The following HACD2 variants were observed in gnomAD, a reference collection of about 807,000 sequenced individuals.
HACD2 encodes very-long-chain (3R)-3-hydroxyacyl-CoA dehydratase 2.
Under a neutral mutation model 31.0 loss-of-function variants are expected in HACD2, and 15 were observed. That is an observed-to-expected ratio of 0.48 (90% CI 0.32 to 0.75). The LOEUF (loss-of-function observed/expected upper bound fraction) is 0.75. Ranked by LOEUF, HACD2 falls within the 30% of genes least tolerant of loss-of-function variation. The pLI, the probability that HACD2 is intolerant of heterozygous loss-of-function variation, is 0.03. For missense variants in HACD2, 283 were observed against 313.0 expected (o/e 0.90, Z 0.72); for synonymous variants, 115 against 122.2 (o/e 0.94, Z 0.39).
chr3:123,567,597 TGA>T, intron 3 of HACD2, among the ~76,000 whole-genome samples, 163 bp downstream of exon 3: 1 of 152,218 alleles, frequency 6.6e-6, no homozygotes, highest in Non-Finnish European at 1.5e-5. Context: ...ATAGTACCTA[TGA>T]TTTCAGAAAC....
In HACD2 at chr3:123,521,733, T is replaced by C. The variant is rs2056217375; in HGVS notation, c.381+6653A>G. Among the ~76,000 whole-genome samples the C allele has an allele frequency of 4.6e-5, 7 of 152,176 alleles. No homozygotes were observed. The South Asian group carries it at 1.5e-3, about 32-fold the overall frequency. ...GAAAAAGATTAACATTAAAGACAAG[T>C]GAAACCAATTTCCTGATTTTGCTGA... is the stretch of plus-strand genomic sequence containing the variant. On this transcript the variant is annotated intron_variant, in intron 4 of 6. Transcript: ENST00000383657.
In HACD2 at chr3:123,493,190, T is replaced by C. The variant is rs111287372; in HGVS notation, c.*1698A>G. 0.035 allele frequency: 5,382 copies of C among 152,164 alleles called. 104 individuals carry two copies. Among genetic ancestry groups the C allele is most frequent in the Middle Eastern group, 0.088 (26 of 294 alleles). The allele number at this position is 152,164 out of a possible 1,614,324, so 9.4% of individuals were successfully genotyped here. A position where few individuals can be genotyped will look rare whatever the true frequency, so the allele number is the denominator to read the frequency against. On this transcript the variant is annotated 3_prime_UTR_variant, in exon 7 of 7. Transcript: ENST00000383657. ...TAACACGGTGAAACCCCGTCTCTAC[T>C]AAAAATACAAAAAAAATTAGCTGGG...
chr3:123,556,081 G>A (rs1011155493), intron 3 of HACD2, among the ~76,000 whole-genome samples: 1 of 152,148 alleles, frequency 6.6e-6, no homozygotes, highest in Non-Finnish European at 1.5e-5. Flanking sequence ...TGAGGCGGGA[G>A]GATCACCTGA....
intron 3 of HACD2, among the ~76,000 whole-genome samples, chr3:123,559,734 A>C (rs2056708198): frequency 6.6e-6 from 1 of 152,192 alleles, no homozygotes; most frequent in Middle Eastern, 3.2e-3. Context: ...CATTCCAAAG[A>C]AAGACTTAGT....
chr3:123,542,146 C>CAAAAAAAAAAAAAAAAAAAAAAAAAAAAA (rs11391480), intron 3 of HACD2, among the ~76,000 whole-genome samples: 1 of 41,104 alleles, frequency 2.4e-5, no homozygotes, highest in African/African-American at 1.7e-4. Flanking sequence ...GACTCCGTCT[C>CAAAAAAAAAAAAAAAAAAAAAAAAAAAAA]AAAAAAAAAA....
chr3:123,553,966 A>C (rs376350885), intron 3 of HACD2, among the ~76,000 whole-genome samples: 2 of 109,278 alleles, frequency 1.8e-5, no homozygotes. Context: ...ATATATTATT[A>C]TTTTATATAA....
At chr3:123,509,326 C>T (rs1047561492) in intron 4 of HACD2, among the ~76,000 whole-genome samples, 10 of 151,838 alleles carry the variant, frequency 6.6e-5, no homozygotes, top group Admixed American at 3.3e-4. Flanking sequence ...TGTGATCGCA[C>T]GACTGCACTC....
chr3:123,561,133 A>G (rs895799286), intron 3 of HACD2, among the ~76,000 whole-genome samples: 3 of 152,128 alleles, frequency 2.0e-5, no homozygotes, highest in African/African-American at 7.2e-5. Flanking sequence ...AGTTAGCTCT[A>G]ATTAGTGGGC....
intron 4 of HACD2, among the ~76,000 whole-genome samples, chr3:123,506,185 A>G (rs2055973852): frequency 6.6e-6 from 1 of 152,240 alleles, no homozygotes; most frequent in Non-Finnish European, 1.5e-5. Context: ...TTCATCCAAA[A>G]GGCCAGAGAG....
chr3:123,583,248 G>C (rs1028017037), intron 1 of HACD2, among the ~76,000 whole-genome samples: 1 of 152,004 alleles, frequency 6.6e-6, no homozygotes, highest in Non-Finnish European at 1.5e-5. Flanking sequence ...TTATCTTCCT[G>C]GTTTAAGATA....
chr3:123,558,194 G>C (rs1030162077), intron 3 of HACD2, among the ~76,000 whole-genome samples: 3 of 152,222 alleles, frequency 2.0e-5, no homozygotes, highest in African/African-American at 7.2e-5. Flanking sequence ...CATACTGTAT[G>C]ACATTCTGGA....
At position 123,494,053 on chromosome 3, in the gene HACD2, T is replaced by C. The variant is rs2055801632; in HGVS notation, c.*835A>G. 6.6e-6 allele frequency: 1 copy of C among 152,262 alleles called. No homozygotes were observed. The highest frequency in any genetic ancestry group is 2.4e-5 in the African/African-American group (1 of 41,470). 9.4% of individuals were successfully genotyped at this position (152,262 alleles called of 1,614,324 possible). On this transcript the variant is annotated 3_prime_UTR_variant, in exon 7 of 7. Coordinates refer to ENST00000383657, the MANE Select transcript of HACD2 (RefSeq NM_198402.5). ...TCAGTGCATCAGTGAGAATAGCTACTGGCAAACACGTTACTCAGAGGTGTT... is the reference window on the plus strand; with the variant it reads ...TCAGTGCATCAGTGAGAATAGCTACCGGCAAACACGTTACTCAGAGGTGTT...
intron 4 of HACD2, among the ~76,000 whole-genome samples, chr3:123,508,835 G>A (rs1188311091): frequency 6.6e-6 from 1 of 152,146 alleles, no homozygotes; most frequent in East Asian, 1.9e-4. Flanking sequence ...TATGGAGGCT[G>A]GAAGTCTGAG....
chr3:123,584,457 A>G (rs1226186335), intron 1 of HACD2: 1 of 164,502 alleles, frequency 6.1e-6, no homozygotes, highest in Admixed American at 6.4e-5. Flanking sequence ...ATGAATGGTC[A>G]CTCTGCAGCC....
chr3:123,564,906 T>C (rs1054164584), intron 3 of HACD2, among the ~76,000 whole-genome samples: 20 of 152,114 alleles, frequency 1.3e-4, no homozygotes, highest in African/African-American at 3.1e-4. Flanking sequence ...CAGAGCTTAA[T>C]GAAACAGAAT....
chr3:123,562,806 C>G (rs1359633941), intron 3 of HACD2, among the ~76,000 whole-genome samples: 1 of 152,146 alleles, frequency 6.6e-6, no homozygotes, highest in African/African-American at 2.4e-5. Flanking sequence ...AAAGGTATCT[C>G]AAGGCTTTAA....
At chr3:123,557,046 T>A (rs1307310337) in intron 3 of HACD2, among the ~76,000 whole-genome samples, 1 of 152,226 alleles carries the variant, frequency 6.6e-6, no homozygotes, top group East Asian at 1.9e-4. Flanking sequence ...AAGATAATAT[T>A]TGACAAAGGA....
intron 4 of HACD2, among the ~76,000 whole-genome samples, chr3:123,516,094 T>A (rs879578903): frequency 1.9e-4 from 29 of 152,168 alleles, no homozygotes; most frequent in Admixed American, 1.9e-3. Flanking sequence ...ATTTTATGTA[T>A]AAAGTGTCCT....
chr3:123,506,715 G>A (rs547704277), intron 4 of HACD2, among the ~76,000 whole-genome samples: 16 of 152,210 alleles, frequency 1.1e-4, no homozygotes, highest in African/African-American at 3.8e-4. Context: ...GATTACAAGT[G>A]TGAGCCACTA....
Sources: allele counts gnomAD v4.1 joint callset (sites outside exome capture counted in the v4.1 genomes callset), GRCh38; gene constraint gnomAD v4.1.1; transcripts MANE v1.5; gene names NCBI Gene and HGNC (gene_info 2026-07-23, HGNC 2026-07-21).